Variants in RNF150 observed in about 807,000 individuals in gnomAD.
RNF150 encodes the protein ring finger protein 150.
Under a neutral mutation model 39.3 loss-of-function variants are expected in RNF150, and 24 were observed. The ratio of observed to expected loss-of-function variants is 0.61; its 90% CI spans 0.44 to 0.86. RNF150 has a LOEUF of 0.86. RNF150 is among the 40% of genes least tolerant of loss of function. RNF150 has a pLI of 0.00. For synonymous variants in RNF150, 255 were observed against 227.3 expected, an observed-to-expected ratio of 1.12 and a Z score of -1.10; for missense variants, 502 against 587.8, an observed-to-expected ratio of 0.85 and a Z score of 1.51.
At chr4:141,057,668 T>G (rs936445871) in intron 1 of RNF150, among the ~76,000 whole-genome samples, 9 of 152,122 alleles carry the variant, frequency 5.9e-5, no homozygotes, top group Non-Finnish European at 1.0e-4. Flanking sequence ...GTGGACCTCC[T>G]TGGTTTCCTG....
At chr4:140,881,505 T>C (rs962807376) in intron 6 of RNF150, among the ~76,000 whole-genome samples, 8 of 152,130 alleles carry the variant, frequency 5.3e-5, no homozygotes, top group African/African-American at 1.9e-4. Flanking sequence ...TCTTGGTACA[T>C]TACCTTTTTG....
Position 141,027,942 on chromosome 4 carries a change from T to G in RNF150, c.485-60069A>C, listed in dbSNP as rs894863852. ...TTTTTTTTTGTTTTTTTTTTTTTTT[T>G]TTTTTTTTTTCAATCCTGCTGGATC... is the stretch of plus-strand genomic sequence containing the variant. On this transcript the variant is annotated intron_variant, in intron 1 of 6. Transcript: ENST00000515673. Among the ~76,000 whole-genome samples the G allele has an allele frequency of 5.9e-5, 8 of 135,984 alleles. No homozygotes were observed. The East Asian group carries it at 1.0e-3, about 17-fold the overall frequency. 89.2% of individuals were successfully genotyped at this position (135,984 alleles called of 152,430 possible).
At chr4:141,116,893 A>T (rs1281320975) in intron 1 of RNF150, among the ~76,000 whole-genome samples, 2 of 152,190 alleles carry the variant, frequency 1.3e-5, no homozygotes, top group Non-Finnish European at 2.9e-5. Context: ...ACACAGGAAC[A>T]GAAAACCAAA....
chr4:140,958,673 C>CA (rs1732883518), intron 2 of RNF150, among the ~76,000 whole-genome samples: 1 of 152,056 alleles, frequency 6.6e-6, no homozygotes, highest in Admixed American at 6.6e-5. Flanking sequence ...CTGTGGTTTC[C>CA]TCTCTGCAAC....
chr4:141,145,842 A>T (rs1727192010), intron 1 of RNF150, among the ~76,000 whole-genome samples: 1 of 152,182 alleles, frequency 6.6e-6, no homozygotes, highest in Non-Finnish European at 1.5e-5. Flanking sequence ...ACTATGGTTC[A>T]GGTTCCCCAC....
intron 1 of RNF150, among the ~76,000 whole-genome samples, chr4:141,008,056 T>C (rs944177272): frequency 2.0e-5 from 3 of 152,170 alleles, no homozygotes; most frequent in Admixed American, 2.0e-4. Flanking sequence ...CCTGGCTGGA[T>C]TGGAGATGTA....
At chr4:141,101,955 T>C (rs1812816) in intron 1 of RNF150, among the ~76,000 whole-genome samples, 110,288 of 151,756 alleles carry the variant, frequency 0.73, 42,503 homozygotes, top group East Asian at 0.88. Context: ...CTTATTTTTG[T>C]ATTTTTAGTA....
rs772494251 is a variant in RNF150 at position 140,930,475 on chromosome 4, G to A, written c.891-4402C>T. Among the ~76,000 whole-genome samples the A allele has an allele frequency of 2.6e-5, 4 of 152,200 alleles. No individual in the cohort carries two copies. In the East Asian group the frequency reaches 5.8e-4, roughly 22 times the overall value. On this transcript the variant is annotated intron_variant, in intron 4 of 6. Transcript: ENST00000515673. ...TTGCTCAATTCGCTGTTGCATCTCCGGGACCTAGAACAGTTCCCGACACAC... is the reference window on the plus strand; with the variant it reads ...TTGCTCAATTCGCTGTTGCATCTCCAGGACCTAGAACAGTTCCCGACACAC...
At chr4:141,019,949 G>C (rs1393380244) in intron 1 of RNF150, among the ~76,000 whole-genome samples, 3 of 152,058 alleles carry the variant, frequency 2.0e-5, no homozygotes, top group Non-Finnish European at 4.4e-5. Flanking sequence ...CAAACGTCTG[G>C]TTTGTGTCTA....
At position 141,039,672 on chromosome 4, in the gene RNF150, C is replaced by T. The variant is rs180785652; in HGVS notation, c.485-71799G>A. ...AGATGGTCTGGAGGAAAAGGAGAAA[C>T]GACCCTCACTCAAGCTCTAGCTTAG... On this transcript the variant is annotated intron_variant, in intron 1 of 6. Coordinates refer to ENST00000515673, the MANE Select transcript of RNF150 (RefSeq NM_020724.2). Among the ~76,000 whole-genome samples, 125 of 152,154 alleles carry T rather than the reference C, an allele frequency of 8.2e-4. No individual in the cohort carries two copies. In the Middle Eastern group the frequency reaches 0.017, roughly 21 times the overall value.
intron 1 of RNF150, among the ~76,000 whole-genome samples, chr4:141,212,498 C>T (rs1271695626): frequency 1.3e-5 from 2 of 152,100 alleles, no homozygotes; most frequent in Non-Finnish European, 2.9e-5. Flanking sequence ...GGTAGGAATT[C>T]GCTTGTGGTG....
At position 140,987,220 on chromosome 4, in the gene RNF150, C is replaced by A. The variant is rs187928833; in HGVS notation, c.485-19347G>T. Among the ~76,000 whole-genome samples the A allele has an allele frequency of 2.4e-4, 37 of 152,152 alleles. No individual in the cohort carries two copies. The East Asian group carries it at 7.0e-3, about 29-fold the overall frequency. On this transcript the variant is annotated intron_variant, in intron 1 of 6. Transcript: ENST00000515673. ...AGCAACCTACAGATTCAATACTATT[C>A]CTATCAAAATACCAACATCATTTTT...
intron 1 of RNF150, among the ~76,000 whole-genome samples, chr4:141,152,372 T>C (rs1727317435): frequency 6.6e-6 from 1 of 152,218 alleles, no homozygotes; most frequent in Non-Finnish European, 1.5e-5. Flanking sequence ...GCAAAATAAC[T>C]AGTGTTAGGA....
At chr4:140,926,506 T>C (rs932365925) in intron 4 of RNF150, among the ~76,000 whole-genome samples, 3 of 152,180 alleles carry the variant, frequency 2.0e-5, no homozygotes, top group African/African-American at 7.2e-5. Flanking sequence ...TTTCCATTAA[T>C]ATTTGGGATC....
At chr4:140,991,887 T>C (rs1371408735) in intron 1 of RNF150, among the ~76,000 whole-genome samples, 1 of 152,208 alleles carries the variant, frequency 6.6e-6, no homozygotes, top group African/African-American at 2.4e-5. Context: ...TTAATACTCT[T>C]ACCTTCAGAT....
intron 1 of RNF150, among the ~76,000 whole-genome samples, chr4:141,073,825 G>C (rs901459709): frequency 1.3e-5 from 2 of 152,076 alleles, no homozygotes; most frequent in Non-Finnish European, 2.9e-5. Flanking sequence ...TACCTAAAAC[G>C]CAAGGGATAA....
chr4:140,921,845 T>C (rs1346518821), intron 5 of RNF150, among the ~76,000 whole-genome samples: 1 of 152,116 alleles, frequency 6.6e-6, no homozygotes, highest in Non-Finnish European at 1.5e-5. Context: ...ATCCAGCATA[T>C]AAACAGAACC....
At chr4:141,024,875 T>A (rs935509924) in intron 1 of RNF150, among the ~76,000 whole-genome samples, 1 of 152,276 alleles carries the variant, frequency 6.6e-6, no homozygotes, top group East Asian at 1.9e-4. Context: ...AGGTAACAGT[T>A]ACAAGAATCT....
chr4:141,064,050 A>ACG (rs1737356531), intron 1 of RNF150, among the ~76,000 whole-genome samples: 1 of 151,952 alleles, frequency 6.6e-6, no homozygotes, highest in African/African-American at 2.4e-5. Flanking sequence ...AAGTTAAAAA[A>ACG]CGGCCTCCTA....
Sources: gnomAD v4.1 joint callset for allele counts (sites outside exome capture counted in the v4.1 genomes callset) on GRCh38, gnomAD v4.1.1 for gene constraint, MANE v1.5 for transcripts, NCBI Gene and HGNC (gene_info 2026-07-23, HGNC 2026-07-21) for gene names.